GALNT13: variants seen among roughly 807,000 people sequenced by gnomAD.
GALNT13 encodes the protein UDP-GalNAc:polypeptide N-acetylgalactosaminyltransferase 13.
GALNT13 carries 28 observed loss-of-function variants against 64.2 expected under a neutral mutation model. The ratio of observed to expected loss-of-function variants is 0.44; its 90% CI spans 0.32 to 0.60. The LOEUF (loss-of-function observed/expected upper bound fraction) is 0.60, where lower values mean the gene tolerates loss of function less well. Among genes scored for constraint, GALNT13 ranks in the 20% least tolerant of loss-of-function variants. GALNT13 has a pLI of 0.05. For missense variants in GALNT13, 577 were observed against 669.8 expected (o/e 0.86, Z 1.53); for synonymous variants, 214 against 224.6 (o/e 0.95, Z 0.42).
At chr2:154,106,309 G>A (rs1702612859) in intron 3 of GALNT13, among the ~76,000 whole-genome samples, 1 of 151,920 alleles carries the variant, frequency 6.6e-6, no homozygotes, top group Admixed American at 6.6e-5. Flanking sequence ...TTTTAGTTTT[G>A]CATTTTTATA....
chr2:154,409,043 A>T lies in GALNT13; in HGVS notation c.1356A>T (p.Lys452Asn). The change falls in exon 11 of 13, where the codon AAA becomes AAT. Residue 452 changes from lysine (K) to asparagine (N), a missense_variant. Lys to Asn is a moderately conservative substitution (Grantham distance 94, BLOSUM62 0). Coordinates refer to ENST00000392825, the MANE Select transcript of GALNT13 (RefSeq NM_052917.4). Reference sequence around the variant, plus strand: ...ACATGGGCCGCAAGGAAAATGAAAAAGTGGGTATATTCAACTGTCATGGTA... The same window carrying T: ...ACATGGGCCGCAAGGAAAATGAAAATGTGGGTATATTCAACTGTCATGGTA... ...LDNMGRKENE[K>N]VGIFNCHGMG... 1.2e-6 allele frequency: 2 copies of T among 1,611,478 alleles called. No individual in the cohort carries two copies. The highest frequency in any genetic ancestry group is 2.2e-5 in the South Asian group (2 of 91,032).
the GALNT13 span, among the ~76,000 whole-genome samples, chr2:153,597,658 G>T: frequency 1.2e-4 from 18 of 151,986 alleles, no homozygotes; most frequent in African/African-American, 3.6e-4. Context: ...GAAAAATTAT[G>T]CTGCAAATGA....
At chr2:153,247,140 G>A in the GALNT13 span, among the ~76,000 whole-genome samples, 1 of 152,134 alleles carries the variant, frequency 6.6e-6, no homozygotes, top group Non-Finnish European at 1.5e-5. Context: ...GATTCATAAA[G>A]TTCTTAGAGA....
chr2:153,554,479 C>A, the GALNT13 span, among the ~76,000 whole-genome samples: 1 of 152,142 alleles, frequency 6.6e-6, no homozygotes, highest in African/African-American at 2.4e-5. Context: ...TTGTGTCATG[C>A]AGTTTCATCT....
At chr2:154,215,583 T>C (rs1687998545) in intron 4 of GALNT13, among the ~76,000 whole-genome samples, 1 of 152,328 alleles carries the variant, frequency 6.6e-6, no homozygotes, top group South Asian at 2.1e-4. Flanking sequence ...AACTATTTGC[T>C]CTCCTTTACT....
At chr2:153,191,827 A>G in the GALNT13 span, among the ~76,000 whole-genome samples, 1 of 151,504 alleles carries the variant, frequency 6.6e-6, no homozygotes, top group East Asian at 1.9e-4. Flanking sequence ...TATTTCTTCT[A>G]GATTTTCCAG....
At chr2:153,169,119 A>G in the GALNT13 span, among the ~76,000 whole-genome samples, 1 of 152,246 alleles carries the variant, frequency 6.6e-6, no homozygotes, top group Non-Finnish European at 1.5e-5. Context: ...GCAGCTATCA[A>G]CTAAACACAA....
At chr2:154,283,353 A>G (rs991854942) in intron 8 of GALNT13, among the ~76,000 whole-genome samples, 1 of 152,092 alleles carries the variant, frequency 6.6e-6, no homozygotes. Flanking sequence ...TACATGGTAG[A>G]TACATTTTGT....
the GALNT13 span, among the ~76,000 whole-genome samples, chr2:153,261,736 A>C: frequency 5.8e-5 from 8 of 138,252 alleles, no homozygotes; most frequent in South Asian, 1.8e-3. Context: ...GTAGGCAGGC[A>C]ATCTACCCAG....
the GALNT13 span, among the ~76,000 whole-genome samples, chr2:153,521,798 C>G: frequency 6.6e-6 from 1 of 152,064 alleles, no homozygotes; most frequent in South Asian, 2.1e-4. Flanking sequence ...TAGTATGTAG[C>G]CTTTTCAAAT....
intron 3 of GALNT13, among the ~76,000 whole-genome samples, chr2:153,994,288 T>C (rs1048012883): frequency 1.3e-5 from 2 of 152,244 alleles, no homozygotes; most frequent in African/African-American, 4.8e-5. Context: ...GGCATATATG[T>C]GCCACATTTT....
chr2:154,108,691 T>C (rs1187119701), intron 3 of GALNT13, among the ~76,000 whole-genome samples: 8 of 151,984 alleles, frequency 5.3e-5, no homozygotes, highest in South Asian at 2.1e-4. Flanking sequence ...TCCGTGATTT[T>C]TTTTTCTTCT....
At chr2:154,386,686 A>G (rs1170616069) in intron 9 of GALNT13, among the ~76,000 whole-genome samples, 1 of 152,132 alleles carries the variant, frequency 6.6e-6, no homozygotes, top group African/African-American at 2.4e-5. Context: ...AATTCTAGAT[A>G]AAATTTTGAT....
the GALNT13 span, among the ~76,000 whole-genome samples, chr2:153,553,348 T>G: frequency 1.4e-5 from 2 of 147,460 alleles, no homozygotes; most frequent in South Asian, 4.2e-4. Flanking sequence ...AAAAAAAAAA[T>G]AGCTGAGTGT....
the GALNT13 span, among the ~76,000 whole-genome samples, chr2:153,357,024 G>T: frequency 6.6e-6 from 1 of 151,922 alleles, no homozygotes; most frequent in Non-Finnish European, 1.5e-5. Flanking sequence ...TAGCCAGGAT[G>T]GTCTCGATCT....
chr2:153,362,474 G>C, the GALNT13 span, among the ~76,000 whole-genome samples: 64 of 146,720 alleles, frequency 4.4e-4, no homozygotes, highest in Admixed American at 2.2e-3. Context: ...TACTATTTTC[G>C]GGAGACACAT....
chr2:154,130,443 A>G (rs959655800), intron 3 of GALNT13, among the ~76,000 whole-genome samples: 1 of 152,182 alleles, frequency 6.6e-6, no homozygotes. Flanking sequence ...ATTTAATTTT[A>G]TAAATTAAAA....
the GALNT13 span, among the ~76,000 whole-genome samples, chr2:153,545,608 G>A: frequency 6.6e-6 from 1 of 152,150 alleles, no homozygotes; most frequent in African/African-American, 2.4e-5. Context: ...AGCAGCCCGA[G>A]GGATAGATTC....
chr2:153,950,954 A>G (rs1396534857), intron 3 of GALNT13, among the ~76,000 whole-genome samples: 1 of 152,138 alleles, frequency 6.6e-6, no homozygotes. Context: ...TGTATCCTTC[A>G]AAGATTATAT....
Sources: allele counts gnomAD v4.1 joint callset (sites outside exome capture counted in the v4.1 genomes callset), GRCh38; gene constraint gnomAD v4.1.1; transcripts MANE v1.5; gene names NCBI Gene and HGNC (gene_info 2026-07-23, HGNC 2026-07-21).